The following ABCC6 variants were observed in gnomAD, a reference collection of about 807,000 sequenced individuals.
ABCC6 encodes ATP binding cassette subfamily C member 6, also known as ATP-binding cassette sub-family C member 6.
Under a neutral mutation model 169.5 loss-of-function variants are expected in ABCC6, and 126 were observed. The observed-to-expected ratio is 0.74, with a 90% CI of 0.64 to 0.86. The LOEUF (loss-of-function observed/expected upper bound fraction) is 0.86. Among genes scored for constraint, ABCC6 ranks in the 40% least tolerant of loss-of-function variants. The pLI, the probability that ABCC6 is intolerant of heterozygous loss-of-function variation, is 0.00. For missense variants in ABCC6, 1,733 were observed against 1,927.2 expected, an observed-to-expected ratio of 0.90 and a Z score of 1.89; for synonymous variants, 752 against 814.7, an observed-to-expected ratio of 0.92 and a Z score of 1.31.
At chr16:16,192,968 G>T in intron 10 of ABCC6, 46 bp from the exon 11 acceptor site, 2 of 1,530,350 alleles carry the variant, frequency 1.3e-6, no homozygotes, top group South Asian at 1.1e-5. Flanking sequence ...GAGGAGCCCA[G>T]CTCTCAGAGG....
At chr16:16,187,091 T>G in intron 14 of ABCC6, 33 bp downstream of exon 14, 74 of 1,352,266 alleles carry the variant, frequency 5.5e-5, no homozygotes, top group Non-Finnish European at 7.1e-5. Context: ...CCCCCATCCC[T>G]CCCACACCCC....
chr16:16,198,810 A>G (rs1366472432), intron 9 of ABCC6, among the ~76,000 whole-genome samples: 1 of 151,688 alleles, frequency 6.6e-6, no homozygotes, highest in Non-Finnish European at 1.5e-5. Flanking sequence ...CCTGGCCAAC[A>G]TGGTGAAACC....
At chr16:16,212,620 A>AT (rs2048676660) in intron 5 of ABCC6, among the ~76,000 whole-genome samples, 1 of 151,402 alleles carries the variant, frequency 6.6e-6, no homozygotes, top group East Asian at 1.9e-4. Context: ...CTGACGGTGT[A>AT]TTTAGTACTG....
At position 16,155,028 on chromosome 16, in the gene ABCC6, C is replaced by T; in HGVS notation, c.3886G>A (p.Gly1296Ser). The T allele has an allele frequency of 6.4e-7, 1 of 1,554,588 alleles. No individual in the cohort carries two copies. The highest frequency in any genetic ancestry group is 2.4e-5 in the East Asian group (1 of 41,368). Reference sequence around the variant, plus strand: ...CCTGCCCCGGTCCTGCCAACGATGCCCACCTGCCCGGGGTTGGGAGGAAAG... The same window carrying T: ...CCTGCCCCGGTCCTGCCAACGATGCTCACCTGCCCGGGGTTGGGAGGAAAG... ...SFKIHAGEKV[G>S]IVGRTGAGKS... is the part of the protein sequence containing the mutation. The change falls in exon 28 of 31, where the codon GGC becomes AGC. Residue 1296 changes from glycine (G) to serine (S), a missense_variant. By Grantham distance (56) the Gly-to-Ser change is moderately conservative (BLOSUM62 0). Coordinates refer to ENST00000205557, the MANE Select transcript of ABCC6 (RefSeq NM_001171.6).
chr16:16,151,598 C>T (rs1241998125), intron 29 of ABCC6, among the ~76,000 whole-genome samples: 1 of 152,156 alleles, frequency 6.6e-6, no homozygotes, highest in African/African-American at 2.4e-5. Context: ...GGATTCCAGG[C>T]GTGATCCACC....
Position 16,150,226 on chromosome 16 carries a change from G to T in ABCC6, c.4419C>A (p.Asp1473Glu), listed in dbSNP as rs759971821. The change falls in exon 31 of 31, where the codon GAC becomes GAA. Residue 1473 changes from aspartate (D) to glutamate (E), a missense_variant. Transcript: ENST00000205557. ...VMDCARVLVM[D>E]KGQVAESGSP... is the part of the protein sequence containing the mutation. ...TGCCGCTCTCTGCCACCTGCCCCTT[G>T]TCCATGACCAGAACCCTGTGGGGGA... is the stretch of plus-strand genomic sequence containing the variant. The T allele has an allele frequency of 6.2e-7, 1 of 1,614,052 alleles. No homozygotes were observed. Among genetic ancestry groups the T allele is most frequent in the Non-Finnish European group, 8.5e-7 (1 of 1,180,030 alleles).
intron 11 of ABCC6, among the ~76,000 whole-genome samples, chr16:16,192,452 G>A (rs544849233): frequency 5.4e-4 from 82 of 152,262 alleles, no homozygotes; most frequent in Non-Finnish European, 1.0e-3. Context: ...GGGCAGAGGC[G>A]GGGAGTGAGC....
At chr16:16,187,908 T>A (rs113428364) in intron 13 of ABCC6, among the ~76,000 whole-genome samples, 4,295 of 20,278 alleles carry the variant, frequency 0.21, 169 homozygotes, top group African/African-American at 0.32. Flanking sequence ...ATAAATAAAT[T>A]AAATAAATAA....
In ABCC6 at chr16:16,203,607, G is replaced by T. The variant is rs368547779; in HGVS notation, c.801C>A (p.Asn267Lys). 1 of 1,614,022 alleles carries T rather than the reference G, an allele frequency of 6.2e-7. No homozygotes were observed. The highest frequency in any genetic ancestry group is 8.5e-7 in the Non-Finnish European group (1 of 1,179,874). Reference sequence around the variant, plus strand: ...CTTTCCTTTTAAATGCTATTGCCTTGTTGTGCCTGAGGGGAAGGGAGAGAT... The same window carrying T: ...CTTTCCTTTTAAATGCTATTGCCTTTTTGTGCCTGAGGGGAAGGGAGAGAT... ...MRNRSAARRH[N>K]KAIAFKRKGG... Residue 267 changes from asparagine to lysine, a missense_variant, in exon 8 of 31, where the codon AAC becomes AAA. Asn to Lys is a moderately conservative substitution (Grantham distance 94, BLOSUM62 0). Coordinates refer to ENST00000205557, the MANE Select transcript of ABCC6 (RefSeq NM_001171.6).
chr16:16,202,172 G>T lies in ABCC6; in HGVS notation c.1005C>A (p.Phe335Leu), dbSNP rs780042786. The T allele has an allele frequency of 6.2e-7, 1 of 1,612,052 alleles. No individual in the cohort carries two copies. The highest frequency in any genetic ancestry group is 1.3e-5 in the African/African-American group (1 of 74,760). The change falls in exon 9 of 31, where the codon TTC becomes TTA. Residue 335 changes from phenylalanine (F) to leucine (L), a missense_variant. Phe to Leu is a conservative substitution (Grantham distance 22). Coordinates refer to ENST00000205557, the MANE Select transcript of ABCC6 (RefSeq NM_001171.6). ...RFTVPKLLSL[F>L]LEFIGDPKPP... ...GCTTGGGATCACCAATAAACTCCAG[G>T]AAAAGGCTTGCAGGGGAAGGAGGGA...
chr16:16,160,182 T>G (rs940027523), intron 25 of ABCC6, among the ~76,000 whole-genome samples: 4 of 152,094 alleles, frequency 2.6e-5, no homozygotes, highest in Non-Finnish European at 5.9e-5. Context: ...CTAAGTCACC[T>G]CCTCAGAGAG....
At chr16:16,188,753 G>A in intron 13 of ABCC6, 78 bp downstream of exon 13, 1 of 1,530,512 alleles carries the variant, frequency 6.5e-7, no homozygotes, top group Non-Finnish European at 8.9e-7. Context: ...CTCTGCAAAT[G>A]GCAGGGGTAG....
At chr16:16,198,283 C>G (rs573924543) in intron 9 of ABCC6, 101 bp from the exon 10 acceptor site, 1 of 1,304,426 alleles carries the variant, frequency 7.7e-7, no homozygotes, top group Non-Finnish European at 1.1e-6. Flanking sequence ...CACACGTCTG[C>G]GAGGTGGGTG....
rs202226389 is a variant in ABCC6, at chr16:16,182,784, C to T, written c.2070+20G>A. On this transcript the variant is annotated intron_variant, in intron 16 of 30. Coordinates refer to ENST00000205557, the MANE Select transcript of ABCC6 (RefSeq NM_001171.6). ...TTCAGGATGGGGACATCCTAGCAGA[C>T]AGGCTGGGGGTGGCCTCACCTCGAT... 6.2e-7 allele frequency: 1 copy of T among 1,613,806 alleles called. No individual in the cohort carries two copies. The highest frequency in any genetic ancestry group is 1.7e-5 in the Admixed American group (1 of 60,004).
intron 15 of ABCC6, 70 bp from the exon 16 acceptor site, chr16:16,183,000 C>T (rs2047531335): frequency 1.2e-6 from 2 of 1,612,406 alleles, no homozygotes; most frequent in Admixed American, 3.3e-5. Context: ...AGGATGAGCC[C>T]CAGACGGAGC....
Position 16,154,915 on chromosome 16 carries a change from C to T in ABCC6, c.3999G>A (p.Val1333=), listed in dbSNP as rs63750235. Residue 1333 remains valine (V), a synonymous_variant, in exon 28 of 31, where the codon GTG becomes GTA. Transcript: ENST00000205557. ...TCCTGGAGCGCAGTGTGTGCAGCCC[C>T]ACGTGGGCAATGGGGACCCCGTCGA... The part of the protein sequence containing the change: ...IWIDGVPIAH[V]GLHTLRSRIS... 2 of 1,609,740 alleles carry T rather than the reference C, an allele frequency of 1.2e-6. No homozygotes were observed. The highest frequency in any genetic ancestry group is 1.7e-6 in the Non-Finnish European group (2 of 1,178,288).
chr16:16,177,388 C>A, intron 19 of ABCC6, 64 bp downstream of exon 19: 1 of 1,590,566 alleles, frequency 6.3e-7, no homozygotes, highest in Non-Finnish European at 8.6e-7. Context: ...TAGGACCCTT[C>A]GAGCCTTTTC....
At chr16:16,165,238 C>T (rs2046837991) in intron 23 of ABCC6, among the ~76,000 whole-genome samples, 1 of 152,170 alleles carries the variant, frequency 6.6e-6, no homozygotes, top group African/African-American at 2.4e-5. Context: ...CAGGAAGACA[C>T]TTGTCCTACA....
intron 7 of ABCC6, among the ~76,000 whole-genome samples, chr16:16,206,622 G>C (rs1463873560): frequency 6.6e-6 from 1 of 151,960 alleles, no homozygotes; most frequent in East Asian, 1.9e-4. Context: ...TGTTTCAGAA[G>C]CTGACGGAGC....
Sources: allele counts gnomAD v4.1 joint callset (sites outside exome capture counted in the v4.1 genomes callset), GRCh38; gene constraint gnomAD v4.1.1; transcripts MANE v1.5; gene names NCBI Gene and HGNC (gene_info 2026-07-23, HGNC 2026-07-21).